TYW1: variants seen among roughly 807,000 people sequenced by gnomAD.
TYW1 encodes the protein S-adenosyl-L-methionine-dependent tRNA 4-demethylwyosine synthase TYW1.
TYW1 carries 46 observed loss-of-function variants against 96.2 expected under a neutral mutation model. The ratio of observed to expected loss-of-function variants is 0.48; its 90% CI spans 0.38 to 0.61. The LOEUF (loss-of-function observed/expected upper bound fraction) is 0.61, where lower values mean the gene tolerates loss of function less well. TYW1 is among the 20% of genes least tolerant of loss of function. The pLI, the probability that TYW1 is intolerant of heterozygous loss-of-function variation, is 0.00. For missense variants in TYW1, 684 were observed against 909.6 expected (o/e 0.75, Z 3.19); for synonymous variants, 274 against 323.0 (o/e 0.85, Z 1.63).
At chr7:67,013,120 C>CCTTTT (rs778034934) in intron 4 of TYW1, among the ~76,000 whole-genome samples, 315 of 141,538 alleles carry the variant, frequency 2.2e-3, no homozygotes, top group Admixed American at 6.7e-3. Context: ...CTTTTCTTTT[C>CCTTTT]TTTTTTTTTT....
rs1056377255 is a variant in TYW1 at position 67,086,292 on chromosome 7, C to T, written c.1384+2753C>T. 9.2e-5 allele frequency among the ~76,000 whole-genome samples: 14 copies of T among 152,248 alleles called. 1 individual carries two copies. In the South Asian group the frequency reaches 1.9e-3, roughly 20 times the overall value. On this transcript the variant is annotated intron_variant, in intron 11 of 15. Transcript: ENST00000359626. ...GAATTTGACTGGCTTTTCCTAGACT[C>T]ATTGTTGGTTTAGTTAATAATTGAT...
At chr7:67,170,244 G>T (rs1223618106) in intron 13 of TYW1, among the ~76,000 whole-genome samples, 1 of 152,108 alleles carries the variant, frequency 6.6e-6, no homozygotes, top group African/African-American at 2.4e-5. Context: ...GCTGTTAAGT[G>T]TATGGGTTTT....
intron 13 of TYW1, among the ~76,000 whole-genome samples, chr7:67,135,408 G>A (rs1328954918): frequency 1.4e-5 from 2 of 144,704 alleles, no homozygotes; most frequent in African/African-American, 5.2e-5. Flanking sequence ...GGGTTCAAGC[G>A]ATCCTCCCAC....
chr7:67,041,215 C>A (rs1440414060), intron 7 of TYW1, among the ~76,000 whole-genome samples: 13 of 152,054 alleles, frequency 8.5e-5, no homozygotes, highest in Non-Finnish European at 1.6e-4. Context: ...ATCTTGTTTT[C>A]GATTTCTATG....
At chr7:67,088,095 G>A (rs1455435528) in intron 11 of TYW1, among the ~76,000 whole-genome samples, 1 of 152,062 alleles carries the variant, frequency 6.6e-6, no homozygotes, top group Non-Finnish European at 1.5e-5. Flanking sequence ...GAACTCCTGG[G>A]CTCAAATGAT....
chr7:67,169,921 T>C (rs1191804211), intron 13 of TYW1, among the ~76,000 whole-genome samples: 1 of 152,214 alleles, frequency 6.6e-6, no homozygotes, highest in Non-Finnish European at 1.5e-5. Flanking sequence ...TATATTTAAC[T>C]TTTTCAGGAG....
chr7:67,212,349 A>G lies in TYW1; in HGVS notation c.1977+17012A>G, dbSNP rs894021852. 1.0e-3 allele frequency among the ~76,000 whole-genome samples: 156 copies of G among 149,528 alleles called. 1 individual carries two copies. Among genetic ancestry groups the G allele is most frequent in the Admixed American group, 1.9e-3 (29 of 14,928 alleles). On this transcript the variant is annotated intron_variant, in intron 15 of 15. Coordinates refer to ENST00000359626, the MANE Select transcript of TYW1 (RefSeq NM_018264.4). ...GCTCATTTTTTTTTTTTATTGGCAA[A>G]TAAAACTCCCATTGTGTGGATGTAC...
intron 7 of TYW1, among the ~76,000 whole-genome samples, chr7:67,044,111 GTT>G (rs201692947): frequency 8.0e-6 from 1 of 124,580 alleles, no homozygotes. Flanking sequence ...ATGAATAAGA[GTT>G]TTTTTTTTTT....
chr7:67,077,920 T>C (rs751825086), intron 10 of TYW1, among the ~76,000 whole-genome samples: 2 of 152,112 alleles, frequency 1.3e-5, no homozygotes, highest in Admixed American at 6.6e-5. Context: ...TTGATTTTTG[T>C]ATATTGTCTT....
At chr7:67,094,167 C>A (rs1796812467) in intron 11 of TYW1, among the ~76,000 whole-genome samples, 1 of 152,066 alleles carries the variant, frequency 6.6e-6, no homozygotes, top group Non-Finnish European at 1.5e-5. Context: ...CTGTAAAGGA[C>A]ATGATTTTGT....
chr7:67,139,728 GGTGTGTGTGTGTGTGTGTGTGTGT>G (rs55993805), intron 13 of TYW1, among the ~76,000 whole-genome samples: 1 of 138,434 alleles, frequency 7.2e-6, no homozygotes, highest in African/African-American at 2.8e-5. Context: ...TGTGTATACA[GGTGTGTGTGTGTGTGTGTGTGTGT>G]GTGTGTGTGT....
At chr7:67,205,827 C>T (rs1372851077) in intron 15 of TYW1, among the ~76,000 whole-genome samples, 1 of 151,930 alleles carries the variant, frequency 6.6e-6, no homozygotes, top group African/African-American at 2.4e-5. Context: ...TGTCCGCAGC[C>T]ATTGGTGTTT....
At chr7:67,140,153 T>C (rs28613254) in intron 13 of TYW1, among the ~76,000 whole-genome samples, 39,198 of 149,072 alleles carry the variant, frequency 0.26, 5,566 homozygotes, top group African/African-American at 0.38. Flanking sequence ...TTCACTATCA[T>C]GAGAACAGCA....
At chr7:67,185,201 G>C (rs138725657) in intron 14 of TYW1, among the ~76,000 whole-genome samples, 8,607 of 151,866 alleles carry the variant, frequency 0.057, 523 homozygotes, top group East Asian at 0.16. Context: ...CAAAGATAAG[G>C]GGATTGGATT....
chr7:67,177,340 A>G (rs1369377350), intron 13 of TYW1, among the ~76,000 whole-genome samples: 1 of 152,018 alleles, frequency 6.6e-6, no homozygotes, highest in Non-Finnish European at 1.5e-5. Context: ...AAACACTAAT[A>G]TGAAAGAAAC....
At chr7:67,226,436 C>T (rs1801562006) in intron 15 of TYW1, among the ~76,000 whole-genome samples, 1 of 152,118 alleles carries the variant, frequency 6.6e-6, no homozygotes, top group Non-Finnish European at 1.5e-5. Context: ...CAGCTGGCAC[C>T]ACCCAGCTCG....
At chr7:67,097,608 G>A (rs1240170868) in intron 11 of TYW1, among the ~76,000 whole-genome samples, 2 of 152,156 alleles carry the variant, frequency 1.3e-5, no homozygotes, top group African/African-American at 2.4e-5. Context: ...CATGTTGCCA[G>A]GCTGGTGTTG....
chr7:67,147,809 T>C (rs957400067), intron 13 of TYW1, among the ~76,000 whole-genome samples: 4 of 151,992 alleles, frequency 2.6e-5, no homozygotes, highest in Non-Finnish European at 4.4e-5. Flanking sequence ...AAGGGGAGAA[T>C]AGGGATTGGT....
intron 9 of TYW1, among the ~76,000 whole-genome samples, chr7:67,062,348 G>A (rs1215245757): frequency 6.6e-6 from 1 of 151,920 alleles, no homozygotes; most frequent in Non-Finnish European, 1.5e-5. Context: ...GGCGGAGGTT[G>A]CAGTGAGCCA....
Sources: gnomAD v4.1 joint callset for allele counts (sites outside exome capture counted in the v4.1 genomes callset) on GRCh38, gnomAD v4.1.1 for gene constraint, MANE v1.5 for transcripts, NCBI Gene and HGNC (gene_info 2026-07-23, HGNC 2026-07-21) for gene names.